Variants in SDCCAG8 observed in about 807,000 individuals in gnomAD.
SDCCAG8 encodes serologically defined colon cancer antigen 8.
A neutral mutation model predicts 101.8 loss-of-function variants in SDCCAG8; 74 were observed. That is an observed-to-expected ratio of 0.73 (90% CI 0.60 to 0.88). SDCCAG8 has a LOEUF of 0.88. Ranked by LOEUF, SDCCAG8 falls within the 40% of genes least tolerant of loss-of-function variation. The pLI, the probability that SDCCAG8 is intolerant of heterozygous loss-of-function variation, is 0.00. For missense variants in SDCCAG8, 787 were observed against 822.6 expected (o/e 0.96, Z 0.53); for synonymous variants, 281 against 292.9 (o/e 0.96, Z 0.41).
At position 243,256,196 on chromosome 1, in the gene SDCCAG8, C is replaced by A. The variant is rs545810276; in HGVS notation, c.23C>A (p.Ser8Tyr). The A allele has an allele frequency of 6.2e-7, 1 of 1,614,226 alleles. No homozygotes were observed. Among genetic ancestry groups the A allele is most frequent in the African/African-American group, 1.3e-5 (1 of 75,072 alleles). The change falls in exon 1 of 18, where the codon TCT (serine) becomes TAT (tyrosine). Residue 8 changes from serine to tyrosine, a missense_variant. Ser to Tyr is a moderately radical substitution (Grantham distance 144). Coordinates refer to ENST00000366541, the MANE Select transcript of SDCCAG8 (RefSeq NM_006642.5). MAKSPENSTLEEILGQYQ... is the reference protein window; with the variant it reads MAKSPENYTLEEILGQYQ... The stretch of plus-strand genomic sequence containing the variant: ...TGCATGGCGAAGTCCCCGGAGAACT[C>A]TACCCTGGAGGAGATTCTGGGGCAG...
At chr1:243,395,939 G>A (rs1193187224) in intron 13 of SDCCAG8, among the ~76,000 whole-genome samples, 1 of 151,930 alleles carries the variant, frequency 6.6e-6, no homozygotes, top group East Asian at 1.9e-4. Flanking sequence ...ACAAGCATCT[G>A]CCATAAGATT....
intron 9 of SDCCAG8, among the ~76,000 whole-genome samples, chr1:243,329,689 T>C (rs1307392781): frequency 2.0e-5 from 3 of 152,208 alleles, no homozygotes; most frequent in Non-Finnish European, 4.4e-5. Flanking sequence ...CTATGCAATC[T>C]GTGTATGTAA....
At chr1:243,460,912 C>T (rs539499431) in intron 16 of SDCCAG8, among the ~76,000 whole-genome samples, 19 of 152,330 alleles carry the variant, frequency 1.2e-4, no homozygotes, top group East Asian at 3.9e-4. Context: ...GAGGCACTGA[C>T]GCTTGTATCT....
chr1:243,270,059 C>T (rs1240307594), intron 1 of SDCCAG8, 46 bp from the exon 2 acceptor site: 4 of 1,613,942 alleles, frequency 2.5e-6, no homozygotes, highest in South Asian at 1.1e-5. Flanking sequence ...TCCGTTTGGT[C>T]AACCAGACTC....
At chr1:243,425,739 C>G (rs2081296653) in intron 15 of SDCCAG8, among the ~76,000 whole-genome samples, 1 of 152,120 alleles carries the variant, frequency 6.6e-6, no homozygotes, top group South Asian at 2.1e-4. Context: ...AATTTTGAGA[C>G]TTGGATTGTC....
chr1:243,467,822 A>G (rs1660438159), intron 16 of SDCCAG8, among the ~76,000 whole-genome samples: 1 of 152,210 alleles, frequency 6.6e-6, no homozygotes, highest in African/African-American at 2.4e-5. Flanking sequence ...ACACTGCCTT[A>G]ATTTTTAACT....
chr1:243,258,986 T>C (rs2066979266), intron 1 of SDCCAG8, among the ~76,000 whole-genome samples: 2 of 152,226 alleles, frequency 1.3e-5, no homozygotes, highest in Admixed American at 6.5e-5. Flanking sequence ...CTCTAGCTTG[T>C]AAATAACTGC....
At chr1:243,422,848 G>T (rs1000084532) in intron 15 of SDCCAG8, among the ~76,000 whole-genome samples, 2 of 152,098 alleles carry the variant, frequency 1.3e-5, no homozygotes, top group Non-Finnish European at 2.9e-5. Flanking sequence ...AACATAACTG[G>T]TATATAAAAA....
intron 10 of SDCCAG8, among the ~76,000 whole-genome samples, chr1:243,338,395 G>GT (rs898353080): frequency 6.0e-5 from 9 of 149,654 alleles, no homozygotes; most frequent in East Asian, 3.9e-4. Flanking sequence ...TTCTTTCTAT[G>GT]TTTTTTTTAT....
chr1:243,323,987 T>C (rs2073957414), intron 9 of SDCCAG8, among the ~76,000 whole-genome samples: 1 of 152,208 alleles, frequency 6.6e-6, no homozygotes, highest in Non-Finnish European at 1.5e-5. Context: ...TCCTCAGAGT[T>C]AGTTCCCAGC....
At chr1:243,399,764 C>T (rs571087527) in intron 13 of SDCCAG8, among the ~76,000 whole-genome samples, 1 of 152,282 alleles carries the variant, frequency 6.6e-6, no homozygotes, top group East Asian at 1.9e-4. Context: ...CCTGCCTCGG[C>T]CTCCCAAAGT....
At chr1:243,324,985 C>A (rs1319238828) in intron 9 of SDCCAG8, among the ~76,000 whole-genome samples, 1 of 152,200 alleles carries the variant, frequency 6.6e-6, no homozygotes, top group Non-Finnish European at 1.5e-5. Flanking sequence ...ACTCAAGTGG[C>A]AGTCTTCCTG....
intron 14 of SDCCAG8, among the ~76,000 whole-genome samples, chr1:243,417,741 G>A (rs1051111518): frequency 6.6e-6 from 1 of 152,080 alleles, no homozygotes; most frequent in African/African-American, 2.4e-5. Flanking sequence ...CACCAAGCTG[G>A]TATGATGAAA....
At chr1:243,371,562 A>G (rs1433571531) in intron 12 of SDCCAG8, among the ~76,000 whole-genome samples, 1 of 152,190 alleles carries the variant, frequency 6.6e-6, no homozygotes, top group Non-Finnish European at 1.5e-5. Flanking sequence ...CAGTGAAAGC[A>G]TGAAGTCAGC....
At chr1:243,476,548 G>T (rs1662443610) in intron 16 of SDCCAG8, among the ~76,000 whole-genome samples, 1 of 152,172 alleles carries the variant, frequency 6.6e-6, no homozygotes, top group Non-Finnish European at 1.5e-5. Flanking sequence ...TAGTCTCTGG[G>T]AGCACCAGAA....
intron 8 of SDCCAG8, among the ~76,000 whole-genome samples, chr1:243,308,871 G>T (rs560182650): frequency 6.6e-6 from 1 of 152,322 alleles, no homozygotes; most frequent in Admixed American, 6.5e-5. Context: ...TATAGTGTAT[G>T]TTCTTCCATG....
chr1:243,492,441 A>C (rs1666718057), intron 17 of SDCCAG8, among the ~76,000 whole-genome samples: 1 of 150,608 alleles, frequency 6.6e-6, no homozygotes, highest in African/African-American at 2.4e-5. Flanking sequence ...AGCTGGGATT[A>C]CAGGCACCCA....
At chr1:243,286,170 A>G in intron 4 of SDCCAG8, 102 bp from the exon 5 acceptor site, 1 of 1,166,990 alleles carries the variant, frequency 8.6e-7, no homozygotes, top group Non-Finnish European at 1.3e-6. Context: ...GAAAAGGAGA[A>G]CATAAGTCTT....
At chr1:243,264,398 T>C (rs1470902220) in intron 1 of SDCCAG8, among the ~76,000 whole-genome samples, 2 of 152,170 alleles carry the variant, frequency 1.3e-5, no homozygotes. Flanking sequence ...AAGGATCACC[T>C]GAGGTCGAGG....
Sources: gnomAD v4.1 joint callset for allele counts (sites outside exome capture counted in the v4.1 genomes callset) on GRCh38, gnomAD v4.1.1 for gene constraint, MANE v1.5 for transcripts, NCBI Gene and HGNC (gene_info 2026-07-23, HGNC 2026-07-21) for gene names.